The following WWOX variants were observed in gnomAD, a reference collection of about 807,000 sequenced individuals.
WWOX encodes WW domain-containing oxidoreductase.
A neutral mutation model predicts 46.2 loss-of-function variants in WWOX; 69 were observed. The ratio of observed to expected loss-of-function variants is 1.49; its 90% CI spans 1.23 to 1.82. WWOX has a LOEUF of 1.82. Among genes scored for constraint, WWOX ranks in the 40% most tolerant of loss-of-function variants. The pLI, the probability that WWOX is intolerant of heterozygous loss-of-function variation, is 0.00. For synonymous variants in WWOX, 359 were observed against 202.6 expected (o/e 1.77, Z -6.56); for missense variants, 919 against 542.6 (o/e 1.69, Z -6.89).
chr16:78,211,426 G>T (rs1335382785), intron 5 of WWOX, among the ~76,000 whole-genome samples: 1 of 152,140 alleles, frequency 6.6e-6, no homozygotes, highest in Admixed American at 6.5e-5. Flanking sequence ...TCTTGGGGAA[G>T]ACTTCATTGC....
rs112161260 is a variant in WWOX at position 79,030,667 on chromosome 16, T to A, written c.1057-180941T>A. ...GTTTGGCTTTGAAGCATCATGCACT[T>A]GGGTCTTGAAATCTTGGGCTCACCG... On this transcript the variant is annotated intron_variant, in intron 8 of 8. Transcript: ENST00000566780. 3.2e-4 allele frequency among the ~76,000 whole-genome samples: 48 copies of A among 152,352 alleles called. 1 individual carries two copies. Among genetic ancestry groups the A allele is most frequent in the African/African-American group, 1.2e-3 (48 of 41,588 alleles).
chr16:78,354,679 A>G (rs1597085564), intron 5 of WWOX, among the ~76,000 whole-genome samples: 1 of 149,762 alleles, frequency 6.7e-6, no homozygotes, highest in South Asian at 2.1e-4. Context: ...TTTTGGTTCA[A>G]TGTAAGAATA....
chr16:78,309,405 C>T (rs976046817), intron 5 of WWOX, among the ~76,000 whole-genome samples: 16 of 152,150 alleles, frequency 1.1e-4, no homozygotes, highest in African/African-American at 3.9e-4. Context: ...TTATAAATTA[C>T]CCAGTTTCAG....
chr16:78,143,450 C>T (rs141094516), intron 4 of WWOX, among the ~76,000 whole-genome samples: 274 of 152,248 alleles, frequency 1.8e-3, no homozygotes, highest in East Asian at 0.015. Context: ...TCCAGCCCCC[C>T]GAGGCCCACT....
intron 8 of WWOX, among the ~76,000 whole-genome samples, chr16:78,991,580 G>A (rs1444487612): frequency 1.9e-5 from 2 of 103,888 alleles, no homozygotes; most frequent in Non-Finnish European, 3.5e-5. Context: ...CAGACTGGGA[G>A]ACACAGCAAG....
chr16:78,687,427 C>G (rs1211207963), intron 8 of WWOX, among the ~76,000 whole-genome samples: 1 of 152,186 alleles, frequency 6.6e-6, no homozygotes, highest in African/African-American at 2.4e-5. Flanking sequence ...CTATTGCATG[C>G]TGATAAATAT....
chr16:79,164,713 C>G (rs1032465154), intron 8 of WWOX, among the ~76,000 whole-genome samples: 1 of 152,182 alleles, frequency 6.6e-6, no homozygotes, highest in African/African-American at 2.4e-5. Context: ...ACTGGAGTGT[C>G]AGCGATAATT....
intron 8 of WWOX, among the ~76,000 whole-genome samples, chr16:78,509,320 G>A (rs140006077): frequency 4.6e-5 from 7 of 152,152 alleles, no homozygotes; most frequent in Admixed American, 4.6e-4. Flanking sequence ...AGCACCTGTA[G>A]TCCTAGCTAC....
intron 5 of WWOX, among the ~76,000 whole-genome samples, chr16:78,214,797 C>T (rs1317831326): frequency 6.8e-6 from 1 of 146,376 alleles, no homozygotes; most frequent in Middle Eastern, 3.6e-3. Flanking sequence ...ATTGTGAAAA[C>T]AGTTAAATAT....
intron 8 of WWOX, among the ~76,000 whole-genome samples, chr16:78,539,354 C>T (rs1026312568): frequency 2.0e-5 from 3 of 152,164 alleles, no homozygotes; most frequent in African/African-American, 4.8e-5. Context: ...TCTCTGTTTC[C>T]CTGCTAGGGG....
At chr16:78,746,158 G>A (rs1479575823) in intron 8 of WWOX, among the ~76,000 whole-genome samples, 4 of 152,064 alleles carry the variant, frequency 2.6e-5, no homozygotes, top group Non-Finnish European at 5.9e-5. Context: ...GGTGGTTTGG[G>A]CATTTGTCAA....
At chr16:78,928,454 G>A (rs1057408843) in intron 8 of WWOX, among the ~76,000 whole-genome samples, 2 of 151,850 alleles carry the variant, frequency 1.3e-5, no homozygotes, top group Non-Finnish European at 2.9e-5. Context: ...TGCCCGCCTC[G>A]GCCTCCCAAA....
chr16:78,129,295 C>T (rs1482113272), intron 4 of WWOX, among the ~76,000 whole-genome samples: 1 of 152,148 alleles, frequency 6.6e-6, no homozygotes, highest in African/African-American at 2.4e-5. Flanking sequence ...GTTTGCATCT[C>T]ACTTGTATGT....
At chr16:78,989,923 C>T (rs1291062956) in intron 8 of WWOX, among the ~76,000 whole-genome samples, 1 of 150,582 alleles carries the variant, frequency 6.6e-6, no homozygotes, top group Non-Finnish European at 1.5e-5. Context: ...TGGCTCATGT[C>T]TGTAATTCTA....
At chr16:78,964,292 C>G (rs1383886675) in intron 8 of WWOX, among the ~76,000 whole-genome samples, 2 of 152,134 alleles carry the variant, frequency 1.3e-5, no homozygotes, top group African/African-American at 4.8e-5. Context: ...AATGGCTTTG[C>G]CCAAAATGCT....
intron 8 of WWOX, among the ~76,000 whole-genome samples, chr16:78,619,414 T>A: frequency 7.2e-6 from 1 of 139,402 alleles, no homozygotes; most frequent in South Asian, 2.3e-4. Context: ...ACACTCCAGG[T>A]GTATATCTCA....
At chr16:78,163,935 G>A (rs1172719579) in intron 4 of WWOX, among the ~76,000 whole-genome samples, 1 of 152,040 alleles carries the variant, frequency 6.6e-6, no homozygotes, top group Non-Finnish European at 1.5e-5. Flanking sequence ...TGTTGTCAGG[G>A]GCTGCCCTGT....
At chr16:78,513,601 G>A (rs983588515) in intron 8 of WWOX, among the ~76,000 whole-genome samples, 1 of 152,152 alleles carries the variant, frequency 6.6e-6, no homozygotes, top group African/African-American at 2.4e-5. Flanking sequence ...TAAAATATTA[G>A]CCTGTCCTCC....
chr16:78,617,149 C>T (rs1431746900), intron 8 of WWOX, among the ~76,000 whole-genome samples: 4 of 152,082 alleles, frequency 2.6e-5, no homozygotes, highest in Admixed American at 6.6e-5. Flanking sequence ...TGGTGGCTCA[C>T]GCCTGTAATC....
Sources: allele counts gnomAD v4.1 joint callset (sites outside exome capture counted in the v4.1 genomes callset), GRCh38; gene constraint gnomAD v4.1.1; transcripts MANE v1.5; gene names NCBI Gene and HGNC (gene_info 2026-07-23, HGNC 2026-07-21).